The following KCNIP1 variants were observed in gnomAD, a reference collection of about 807,000 sequenced individuals.
KCNIP1 encodes A-type potassium channel modulatory protein KCNIP1.
A neutral mutation model predicts 33.0 loss-of-function variants in KCNIP1; 18 were observed. The ratio of observed to expected loss-of-function variants is 0.55; its 90% confidence interval spans 0.38 to 0.81. The LOEUF (loss-of-function observed/expected upper bound fraction) is 0.81, where lower values mean the gene tolerates loss of function less well. Ranked by LOEUF, KCNIP1 falls within the 30% of genes least tolerant of loss-of-function variation. KCNIP1 has a pLI of 0.00. For missense variants in KCNIP1, 238 were observed against 271.6 expected (o/e 0.88, Z 0.87); for synonymous variants, 93 against 98.3 (o/e 0.95, Z 0.32).
chr5:170,448,631 CAAGAT>C (rs761378142), intron 1 of KCNIP1, among the ~76,000 whole-genome samples: 1 of 152,098 alleles, frequency 6.6e-6, no homozygotes, highest in Non-Finnish European at 1.5e-5. Context: ...CAAGAATGGG[CAAGAT>C]AAAAAGCCAC....
chr5:170,532,992 A>T (rs1445713460), intron 1 of KCNIP1, among the ~76,000 whole-genome samples: 4 of 152,204 alleles, frequency 2.6e-5, no homozygotes, highest in African/African-American at 9.7e-5. Context: ...AGTCCTTCAA[A>T]GCTCTAAGCT....
chr5:170,569,386 G>A (rs373374712), intron 1 of KCNIP1, among the ~76,000 whole-genome samples: 2 of 152,190 alleles, frequency 1.3e-5, no homozygotes, highest in African/African-American at 2.4e-5. Context: ...AAACATTTGG[G>A]GACCCTCTCA....
At chr5:170,476,032 C>T (rs991807754) in intron 1 of KCNIP1, among the ~76,000 whole-genome samples, 22 of 151,560 alleles carry the variant, frequency 1.5e-4, no homozygotes, top group South Asian at 2.1e-4. Flanking sequence ...TGCAGTGGTG[C>T]GATCTCAGCT....
chr5:170,553,201 A>G (rs1756719955), intron 1 of KCNIP1, among the ~76,000 whole-genome samples: 1 of 152,264 alleles, frequency 6.6e-6, no homozygotes, highest in Non-Finnish European at 1.5e-5. Context: ...ACCTCTGTCG[A>G]ATCATAAAAT....
intron 1 of KCNIP1, among the ~76,000 whole-genome samples, chr5:170,361,910 G>A (rs1471806686): frequency 6.6e-6 from 1 of 152,158 alleles, no homozygotes; most frequent in Non-Finnish European, 1.5e-5. Flanking sequence ...TGTGAATTTG[G>A]GGGACGGGAG....
At chr5:170,471,550 T>G (rs1756728362) in intron 1 of KCNIP1, among the ~76,000 whole-genome samples, 1 of 152,194 alleles carries the variant, frequency 6.6e-6, no homozygotes, top group African/African-American at 2.4e-5. Context: ...CAGTTACTAG[T>G]GGCCCAGCTG....
chr5:170,365,528 G>C (rs760909123), intron 1 of KCNIP1, among the ~76,000 whole-genome samples: 1 of 152,180 alleles, frequency 6.6e-6, no homozygotes, highest in East Asian at 1.9e-4. Flanking sequence ...GGAACCTGCC[G>C]CTGGGAAAGG....
At chr5:170,620,030 A>G (rs1048125755) in intron 1 of KCNIP1, among the ~76,000 whole-genome samples, 1 of 152,218 alleles carries the variant, frequency 6.6e-6, no homozygotes, top group Admixed American at 6.5e-5. Flanking sequence ...TAACTTCAAG[A>G]GTGTTATGAG....
intron 1 of KCNIP1, among the ~76,000 whole-genome samples, chr5:170,397,285 C>A (rs1384371900): frequency 6.6e-6 from 1 of 152,184 alleles, no homozygotes; most frequent in Non-Finnish European, 1.5e-5. Flanking sequence ...CTGCAGACAC[C>A]TGATCTCCTT....
At chr5:170,676,814 G>A (rs1047066652) in intron 1 of KCNIP1, among the ~76,000 whole-genome samples, 4 of 152,220 alleles carry the variant, frequency 2.6e-5, no homozygotes, top group African/African-American at 9.6e-5. Context: ...CAAGCTGAGA[G>A]CAGCAGAAGT....
rs35510680 is a variant in KCNIP1 at position 170,475,972 on chromosome 5, C to CT, written c.88+122023dup. 7.0e-3 allele frequency among the ~76,000 whole-genome samples: 1,002 copies of CT among 143,506 alleles called. 7 individuals carry two copies. The highest frequency in any genetic ancestry group is 0.016 in the Admixed American group (223 of 14,340). The allele number at this position is 143,506 out of a possible 152,430, so 94.1% of individuals were successfully genotyped here. ...ATTATTAGAACAATTTTGGTTTAAA[C>CT]TTTTTTTTTTTTTTTGAAACAGGGT... On this transcript the variant is annotated intron_variant, in intron 1 of 7. Transcript: ENST00000377360.
intron 1 of KCNIP1, among the ~76,000 whole-genome samples, chr5:170,670,973 G>A (rs1262240211): frequency 1.3e-5 from 2 of 151,684 alleles, no homozygotes; most frequent in Non-Finnish European, 2.9e-5. Context: ...TGGTCCAGGT[G>A]TCTCCCTGAG....
At chr5:170,402,439 A>C (rs551878945) in intron 1 of KCNIP1, among the ~76,000 whole-genome samples, 1 of 152,270 alleles carries the variant, frequency 6.6e-6, no homozygotes, top group East Asian at 1.9e-4. Context: ...GGGAAGTCCA[A>C]TATGGATGTT....
intron 1 of KCNIP1, chr5:170,377,468 T>G (rs552204333): frequency 6.6e-6 from 1 of 152,240 alleles, no homozygotes; most frequent in East Asian, 1.9e-4. Context: ...AAATCTGAGA[T>G]AGGCTTCCCC....
At chr5:170,733,670 G>C (rs1764286564) in intron 6 of KCNIP1, among the ~76,000 whole-genome samples, 166 bp from the exon 7 acceptor site, 1 of 152,166 alleles carries the variant, frequency 6.6e-6, no homozygotes, top group South Asian at 2.1e-4. Context: ...AATTGGAGTT[G>C]TCTGGCCAGT....
At chr5:170,701,824 G>A (rs983502357) in intron 1 of KCNIP1, among the ~76,000 whole-genome samples, 1 of 152,162 alleles carries the variant, frequency 6.6e-6, no homozygotes, top group African/African-American at 2.4e-5. Flanking sequence ...GAGACTCAGA[G>A]GATGGAAGTG....
intron 3 of KCNIP1, among the ~76,000 whole-genome samples, chr5:170,721,399 G>A (rs1273314525): frequency 6.6e-6 from 1 of 152,184 alleles, no homozygotes; most frequent in Non-Finnish European, 1.5e-5. Flanking sequence ...TAGAGAGGTA[G>A]GAAAGGGAAG....
At chr5:170,443,415 G>A (rs1477368025) in intron 1 of KCNIP1, among the ~76,000 whole-genome samples, 6 of 152,232 alleles carry the variant, frequency 3.9e-5, no homozygotes, top group African/African-American at 1.2e-4. Flanking sequence ...ATTCATGGAA[G>A]TGGGAAGAAA....
intron 5 of KCNIP1, among the ~76,000 whole-genome samples, chr5:170,731,737 A>G (rs1764209923): frequency 2.0e-5 from 3 of 151,682 alleles, no homozygotes; most frequent in Non-Finnish European, 4.4e-5. Flanking sequence ...TGAGAAACTC[A>G]TACAGATTAG....
Sources: gnomAD v4.1 joint callset for allele counts (sites outside exome capture counted in the v4.1 genomes callset) on GRCh38, gnomAD v4.1.1 for gene constraint, MANE v1.5 for transcripts, NCBI Gene and HGNC (gene_info 2026-07-23, HGNC 2026-07-21) for gene names.